The following SOX6 variants were observed in gnomAD, a reference collection of about 807,000 sequenced individuals.
The protein encoded by SOX6 is transcription factor SOX-6.
SOX6 carries 11 observed loss-of-function variants against 97.8 expected under a neutral mutation model. That is an observed-to-expected ratio of 0.11 (90% CI 0.07 to 0.19). The LOEUF (loss-of-function observed/expected upper bound fraction) is 0.19, where lower values mean the gene tolerates loss of function less well. SOX6 is among the 10% of genes least tolerant of loss of function. SOX6 has a pLI of 1.00. For synonymous variants in SOX6, 360 were observed against 371.4 expected, an observed-to-expected ratio of 0.97 and a Z score of 0.35; for missense variants, 810 against 1,039.5, an observed-to-expected ratio of 0.78 and a Z score of 3.04.
At chr11:16,125,075 C>T (rs1379139610) in intron 6 of SOX6, among the ~76,000 whole-genome samples, 1 of 152,036 alleles carries the variant, frequency 6.6e-6, no homozygotes, top group Non-Finnish European at 1.5e-5. Flanking sequence ...CTGATTGATT[C>T]ATTCATTGAT....
At chr11:16,298,131 G>T (rs1012606500) in intron 3 of SOX6, among the ~76,000 whole-genome samples, 1 of 152,092 alleles carries the variant, frequency 6.6e-6, no homozygotes, top group African/African-American at 2.4e-5. Flanking sequence ...ACGTTCTTCT[G>T]ACTGGGACCC....
chr11:16,386,772 C>T (rs1223091749), intron 1 of SOX6, among the ~76,000 whole-genome samples: 4 of 152,004 alleles, frequency 2.6e-5, no homozygotes, highest in Admixed American at 6.6e-5. Flanking sequence ...AATTAGGTCT[C>T]CCTTTTCCTT....
rs1232762239 is a variant in SOX6, at chr11:16,201,672, C to T, written c.536-14717G>A. On this transcript the variant is annotated intron_variant, in intron 4 of 15. Transcript: ENST00000683767. ...TTTTTGAGACGGAGTCTCGCTCTGT[C>T]GCCCAGGCTGGAGTGCAGTGGCGGG... Among the ~76,000 whole-genome samples, 21 of 112,746 alleles carry T rather than the reference C, an allele frequency of 1.9e-4. 1 individual carries two copies. The highest frequency in any genetic ancestry group is 6.8e-4 in the African/African-American group (19 of 27,898). 74.0% of individuals were successfully genotyped at this position (112,746 alleles called of 152,430 possible).
intron 6 of SOX6, among the ~76,000 whole-genome samples, chr11:16,129,271 T>A (rs183442570): frequency 6.6e-6 from 1 of 152,284 alleles, no homozygotes; most frequent in African/African-American, 2.4e-5. Context: ...CTACATCATG[T>A]AAAGAGGATG....
intron 2 of SOX6, among the ~76,000 whole-genome samples, chr11:16,731,420 G>A (rs1184944414): frequency 6.6e-6 from 1 of 152,148 alleles, no homozygotes; most frequent in Non-Finnish European, 1.5e-5. Context: ...GCTTCATCCT[G>A]GGATGCAAGG....
rs183970429 is a variant in SOX6 at position 16,288,904 on chromosome 11, T to C, written c.445+29542A>G. ...TCATATTTAACATAAATATATCCAG[T>C]ATACAATTTTTCACAAATTAAAATG... On this transcript the variant is annotated intron_variant, in intron 3 of 15. Transcript: ENST00000683767. Among the ~76,000 whole-genome samples, 965 of 152,120 alleles carry C rather than the reference T, an allele frequency of 6.3e-3. 13 individuals carry two copies. Among genetic ancestry groups the C allele is most frequent in the African/African-American group, 0.021 (889 of 41,558 alleles).
chr11:16,075,459 T>C (rs987976812), intron 9 of SOX6, among the ~76,000 whole-genome samples: 1 of 152,206 alleles, frequency 6.6e-6, no homozygotes, highest in Non-Finnish European at 1.5e-5. Flanking sequence ...ATATACACCA[T>C]GGAATACTAT....
chr11:16,354,444 T>C (rs998307233), intron 1 of SOX6, among the ~76,000 whole-genome samples: 1 of 151,952 alleles, frequency 6.6e-6, no homozygotes, highest in Non-Finnish European at 1.5e-5. Flanking sequence ...AGTGAACTAA[T>C]GACAAGAACC....
chr11:16,075,960 C>T (rs906418604), intron 9 of SOX6, among the ~76,000 whole-genome samples: 2 of 152,068 alleles, frequency 1.3e-5, no homozygotes, highest in African/African-American at 4.8e-5. Flanking sequence ...ATTCAATTAC[C>T]TCTCACTGGG....
chr11:16,220,487 A>G (rs928659011), intron 4 of SOX6, among the ~76,000 whole-genome samples: 2 of 152,014 alleles, frequency 1.3e-5, no homozygotes, highest in Admixed American at 1.3e-4. Flanking sequence ...TGGTTGAGCA[A>G]ACGTTGGTGA....
intron 4 of SOX6, among the ~76,000 whole-genome samples, chr11:16,604,412 G>A (rs1172993627): frequency 6.6e-6 from 1 of 152,224 alleles, no homozygotes; most frequent in Non-Finnish European, 1.5e-5. Flanking sequence ...GAAAGGGCAG[G>A]AGAGAGAAGA....
chr11:16,298,351 T>C (rs963982129), intron 3 of SOX6, among the ~76,000 whole-genome samples: 3 of 152,146 alleles, frequency 2.0e-5, no homozygotes, highest in African/African-American at 7.2e-5. Flanking sequence ...AAAATATACT[T>C]AAAGACATAA....
At chr11:16,384,740 C>A (rs1234806826) in intron 1 of SOX6, among the ~76,000 whole-genome samples, 1 of 151,936 alleles carries the variant, frequency 6.6e-6, no homozygotes, top group Non-Finnish European at 1.5e-5. Flanking sequence ...TAGCTATTAC[C>A]ATGTAATCAC....
At chr11:16,349,797 C>A (rs567847349) in intron 1 of SOX6, among the ~76,000 whole-genome samples, 1 of 151,276 alleles carries the variant, frequency 6.6e-6, no homozygotes, top group African/African-American at 2.4e-5. Context: ...AAAATATTTC[C>A]TACAGCTAAT....
At chr11:16,182,638 A>G (rs1158007453) in intron 6 of SOX6, among the ~76,000 whole-genome samples, 1 of 151,884 alleles carries the variant, frequency 6.6e-6, no homozygotes, top group African/African-American at 2.4e-5. Flanking sequence ...TGGACTTTTT[A>G]TTTTGCAACA....
At chr11:16,432,915 C>T (rs1223476919) in intron 1 of SOX6, among the ~76,000 whole-genome samples, 2 of 151,972 alleles carry the variant, frequency 1.3e-5, no homozygotes, top group East Asian at 1.9e-4. Context: ...ATCCATGACT[C>T]GAATATTAAA....
chr11:16,666,512 A>G (rs1204213820), intron 3 of SOX6, among the ~76,000 whole-genome samples: 1 of 152,210 alleles, frequency 6.6e-6, no homozygotes, highest in Non-Finnish European at 1.5e-5. Context: ...GGCTATTTGA[A>G]AATATATAGT....
At position 15,998,460 on chromosome 11, in the gene SOX6, T is replaced by C. The variant is rs568559958; in HGVS notation, c.1733-9230A>G. 1.4e-3 allele frequency among the ~76,000 whole-genome samples: 127 copies of C among 89,210 alleles called. 3 individuals carry two copies. The highest frequency in any genetic ancestry group is 3.5e-3 in the African/African-American group (121 of 34,624). 58.5% of individuals were successfully genotyped at this position (89,210 alleles called of 152,430 possible). A position where few individuals can be genotyped will look rare whatever the true frequency, so the allele number is the denominator to read the frequency against. ...TAAATGGAGGAATATACCATGTTCCTGAATCAGAAGACTCAATATTGTTAC... is the reference window on the plus strand; with the variant it reads ...TAAATGGAGGAATATACCATGTTCCCGAATCAGAAGACTCAATATTGTTAC... On this transcript the variant is annotated intron_variant, in intron 13 of 15. Transcript: ENST00000683767.
intron 15 of SOX6, among the ~76,000 whole-genome samples, chr11:15,976,880 C>T (rs1279089107): frequency 1.3e-5 from 2 of 152,124 alleles, no homozygotes; most frequent in Non-Finnish European, 2.9e-5. Flanking sequence ...CCTTCTTACT[C>T]TAACTGAAAC....
Sources: allele counts gnomAD v4.1 joint callset (sites outside exome capture counted in the v4.1 genomes callset), GRCh38; gene constraint gnomAD v4.1.1; transcripts MANE v1.5; gene names NCBI Gene and HGNC (gene_info 2026-07-23, HGNC 2026-07-21).